The following MYO10 variants were observed in gnomAD, a reference collection of about 807,000 sequenced individuals.
MYO10 encodes the protein myosin X.
A neutral mutation model predicts 257.3 loss-of-function variants in MYO10; 133 were observed. The ratio of observed to expected loss-of-function variants is 0.52; its 90% CI spans 0.45 to 0.60. MYO10 has a LOEUF of 0.60. MYO10 is among the 20% of genes least tolerant of loss of function. MYO10 has a pLI of 0.00. For missense variants in MYO10, 2,399 were observed against 2,635.7 expected, an observed-to-expected ratio of 0.91 and a Z score of 1.97; for synonymous variants, 1,104 against 1,028.6, an observed-to-expected ratio of 1.07 and a Z score of -1.40.
intron 2 of MYO10, among the ~76,000 whole-genome samples, chr5:16,846,608 T>C (rs973963364): frequency 6.6e-6 from 1 of 152,198 alleles, no homozygotes; most frequent in Admixed American, 6.5e-5. Flanking sequence ...GGTCCATAAT[T>C]AGCATGTTTG....
chr5:16,758,240 G>C lies in MYO10; in HGVS notation c.1740-14C>G. 3.2e-6 allele frequency: 5 copies of C among 1,559,840 alleles called. No individual in the cohort carries two copies. The highest frequency in any genetic ancestry group is 4.4e-6 in the Non-Finnish European group (5 of 1,130,806). ...ATAAAGTCAAATCTGTGTGAGGCAA[G>C]AGCAGGAGGTCAGTGAGGCACACAC... On this transcript the variant is annotated splice_polypyrimidine_tract_variant and intron_variant, in intron 17 of 40. Coordinates refer to ENST00000513610, the MANE Select transcript of MYO10 (RefSeq NM_012334.3).
At position 16,882,760 on chromosome 5, in the gene MYO10, G is replaced by A. The variant is rs142571397; in HGVS notation, c.22-5053C>T. ...CCCAGAGCTGGGTGCGGGAGGGACAGTGACTGAGTGAAAAAGGTGGAAATC... is the reference window on the plus strand; with the variant it reads ...CCCAGAGCTGGGTGCGGGAGGGACAATGACTGAGTGAAAAAGGTGGAAATC... On this transcript the variant is annotated intron_variant, in intron 1 of 40. Coordinates refer to ENST00000513610, the MANE Select transcript of MYO10 (RefSeq NM_012334.3). Among the ~76,000 whole-genome samples, 311 of 152,256 alleles carry A rather than the reference G, an allele frequency of 2.0e-3. 1 individual carries two copies. Among genetic ancestry groups the A allele is most frequent in the Non-Finnish European group, 3.4e-3 (231 of 68,036 alleles).
intron 1 of MYO10, among the ~76,000 whole-genome samples, chr5:16,920,465 A>G (rs768755800): frequency 6.6e-5 from 10 of 152,296 alleles, no homozygotes; most frequent in Non-Finnish European, 1.3e-4. Context: ...TCAAATAACA[A>G]AACTATAGAG....
chr5:16,866,923 G>A (rs764975061), intron 2 of MYO10, among the ~76,000 whole-genome samples: 12 of 152,156 alleles, frequency 7.9e-5, no homozygotes, highest in African/African-American at 1.9e-4. Context: ...CTGCCCTCCC[G>A]GACCCCAGGT....
chr5:16,685,981 T>C (rs910896006), intron 28 of MYO10, 150 bp from the exon 29 acceptor site: 21 of 636,588 alleles, frequency 3.3e-5, no homozygotes, highest in Non-Finnish European at 4.8e-5. Flanking sequence ...GTCAGTTTCA[T>C]TACCAAAGAA....
chr5:16,685,757 G>A lies in MYO10; in HGVS notation c.3971C>T (p.Ala1324Val). ...QEIQEMHDEQ[A>V]NPQNAVGTLD... ...CCGTACCACAGCATTCTGTGGGTTT[G>A]CCTGCTCATCATGCATCTCCTGGAT... The change falls in exon 29 of 41, where the codon GCA (alanine) becomes GTA (valine). Residue 1324 changes from alanine (A) to valine (V), a missense_variant. This residue lies in a region of MYO10 where 1,820 missense variants were observed against 1,939.4 expected (regional missense o/e 0.94). Coordinates refer to ENST00000513610, the MANE Select transcript of MYO10 (RefSeq NM_012334.3). 1.5e-6 allele frequency: 2 copies of A among 1,367,960 alleles called. No individual in the cohort carries two copies. Among genetic ancestry groups the A allele is most frequent in the Non-Finnish European group, 9.7e-7 (1 of 1,029,268 alleles). The allele number at this position is 1,367,960 out of a possible 1,614,324, so 84.7% of individuals were successfully genotyped here.
intron 9 of MYO10, 34 bp from the exon 10 acceptor site, chr5:16,769,237 G>C: frequency 4.5e-6 from 7 of 1,548,830 alleles, no homozygotes; most frequent in Non-Finnish European, 6.1e-6. Context: ...ATTTTATGTC[G>C]TTTTTTCACA....
intron 36 of MYO10, among the ~76,000 whole-genome samples, chr5:16,673,158 G>T (rs1736549854): frequency 6.8e-6 from 1 of 147,850 alleles, no homozygotes; most frequent in Non-Finnish European, 1.5e-5. Context: ...ATAAATTTAT[G>T]AACTCCAAGG....
chr5:16,698,174 C>CA (rs1737848465), intron 26 of MYO10, among the ~76,000 whole-genome samples: 1 of 152,120 alleles, frequency 6.6e-6, no homozygotes, highest in Non-Finnish European at 1.5e-5. Context: ...AGTTGGAGAC[C>CA]AGCCTGGGCA....
At chr5:16,666,897 C>T (rs1736198674) in intron 40 of MYO10, 104 bp from the exon 41 acceptor site, 1 of 813,694 alleles carries the variant, frequency 1.2e-6, no homozygotes, top group Non-Finnish European at 1.9e-6. Flanking sequence ...CCGTAGCCTT[C>T]CATGCTAATC....
At chr5:16,886,115 C>T (rs1744890424) in intron 1 of MYO10, among the ~76,000 whole-genome samples, 3 of 152,192 alleles carry the variant, frequency 2.0e-5, no homozygotes, top group Admixed American at 1.3e-4. Flanking sequence ...AGCTTCAGTT[C>T]AGCCACGGCC....
intron 2 of MYO10, among the ~76,000 whole-genome samples, chr5:16,840,622 A>C (rs1743450071): frequency 6.6e-6 from 1 of 152,080 alleles, no homozygotes; most frequent in African/African-American, 2.4e-5. Flanking sequence ...CTGTACACCA[A>C]ATCATACACA....
chr5:16,934,471 A>C (rs1160171378), intron 1 of MYO10, among the ~76,000 whole-genome samples: 2 of 152,254 alleles, frequency 1.3e-5, no homozygotes, highest in Non-Finnish European at 1.5e-5. Flanking sequence ...AGGGTCCTTT[A>C]CCACTGGACA....
At chr5:16,824,365 G>A (rs1742937749) in intron 2 of MYO10, among the ~76,000 whole-genome samples, 1 of 152,000 alleles carries the variant, frequency 6.6e-6, no homozygotes, top group Admixed American at 6.6e-5. Context: ...TTAGAATTTG[G>A]GGGAGAGGAG....
At chr5:16,911,687 G>A (rs957115748) in intron 1 of MYO10, among the ~76,000 whole-genome samples, 30 of 151,876 alleles carry the variant, frequency 2.0e-4, no homozygotes, top group African/African-American at 5.6e-4. Flanking sequence ...TGCCGAGATC[G>A]CACCACTGCA....
intron 3 of MYO10, among the ~76,000 whole-genome samples, chr5:16,813,767 A>G (rs1742514460): frequency 6.6e-6 from 1 of 152,186 alleles, no homozygotes; most frequent in South Asian, 2.1e-4. Context: ...GTGAGGCCTT[A>G]AAAGCAGACA....
intron 19 of MYO10, among the ~76,000 whole-genome samples, chr5:16,748,244 CT>C (rs1029102454): frequency 6.6e-6 from 1 of 151,524 alleles, no homozygotes; most frequent in Non-Finnish European, 1.5e-5. Flanking sequence ...TACTTTTTGT[CT>C]TTTTGAAGTT....
At chr5:16,874,265 T>C (rs1201561418) in intron 2 of MYO10, among the ~76,000 whole-genome samples, 5 of 138,264 alleles carry the variant, frequency 3.6e-5, no homozygotes, top group Non-Finnish European at 6.0e-5. Flanking sequence ...ACCCGGGACG[T>C]AGAGCTTGCA....
Position 16,818,102 on chromosome 5 carries a change from C to T in MYO10, c.186G>A (p.Glu62=), listed in dbSNP as rs376635586. 20 of 1,611,892 alleles carry T rather than the reference C, an allele frequency of 1.2e-5. No homozygotes were observed. The highest frequency in any genetic ancestry group is 1.6e-5 in the Non-Finnish European group (19 of 1,178,600). ...QKVTAMHPTN[E]EGVDDMASLT... Reference sequence around the variant, plus strand: ...AGGACGCCATGTCATCCACGCCCTCCTCGTTCGTGGGGTGCATAGCAGTCA... The same window carrying T: ...AGGACGCCATGTCATCCACGCCCTCTTCGTTCGTGGGGTGCATAGCAGTCA... The change falls in exon 3 of 41, where the codon GAG becomes GAA. Residue 62 remains glutamate, a synonymous_variant. Coordinates refer to ENST00000513610, the MANE Select transcript of MYO10 (RefSeq NM_012334.3).
Sources: gnomAD v4.1 joint callset for allele counts (sites outside exome capture counted in the v4.1 genomes callset) on GRCh38, gnomAD v4.1.1 for gene constraint, gnomAD v4.1.1 regional missense constraint, MANE v1.5 for transcripts, NCBI Gene and HGNC (gene_info 2026-07-23, HGNC 2026-07-21) for gene names.